The following ROR1 variants were observed in gnomAD, a reference collection of about 807,000 sequenced individuals.
ROR1 encodes inactive tyrosine-protein kinase transmembrane receptor ROR1.
ROR1 carries 19 observed loss-of-function variants against 78.8 expected under a neutral mutation model. That is an observed-to-expected ratio of 0.24 (90% CI 0.17 to 0.35). The LOEUF (loss-of-function observed/expected upper bound fraction) is 0.35, where lower values mean the gene tolerates loss of function less well. Among genes scored for constraint, ROR1 ranks in the 10% least tolerant of loss-of-function variants. ROR1 has a pLI of 1.00. For synonymous variants in ROR1, 386 were observed against 433.6 expected (o/e 0.89, Z 1.36); for missense variants, 917 against 1,177.8 (o/e 0.78, Z 3.24).
At chr1:63,787,590 G>A (rs1318819020) in intron 1 of ROR1, among the ~76,000 whole-genome samples, 2 of 149,286 alleles carry the variant, frequency 1.3e-5, no homozygotes, top group Non-Finnish European at 3.0e-5. Flanking sequence ...GCAATGGTGC[G>A]ATCTCAGCTC....
At chr1:64,069,303 A>G (rs947887555) in intron 4 of ROR1, among the ~76,000 whole-genome samples, 5 of 152,184 alleles carry the variant, frequency 3.3e-5, no homozygotes, top group African/African-American at 9.7e-5. Context: ...AATTTGTGGC[A>G]TATCTTCTTC....
intron 1 of ROR1, among the ~76,000 whole-genome samples, chr1:63,983,833 G>A (rs1225676109): frequency 6.6e-6 from 1 of 152,130 alleles, no homozygotes; most frequent in Admixed American, 6.6e-5. Context: ...TTGAGATAAG[G>A]TAAATTTCTC....
intron 2 of ROR1, among the ~76,000 whole-genome samples, chr1:64,034,063 G>A (rs759117148): frequency 6.6e-6 from 1 of 152,162 alleles, no homozygotes; most frequent in Non-Finnish European, 1.5e-5. Flanking sequence ...ATGCTGGTTG[G>A]CTCATAGTTT....
At chr1:64,099,610 T>C (rs1174950653) in intron 4 of ROR1, among the ~76,000 whole-genome samples, 3 of 151,648 alleles carry the variant, frequency 2.0e-5, no homozygotes, top group Non-Finnish European at 3.0e-5. Context: ...AAAAATAAAT[T>C]AGTTGCCTGA....
At chr1:64,004,294 A>G (rs771658671) in intron 1 of ROR1, among the ~76,000 whole-genome samples, 3 of 152,380 alleles carry the variant, frequency 2.0e-5, no homozygotes, top group South Asian at 2.1e-4. Context: ...ACACAACAAT[A>G]TATAAAATAG....
intron 1 of ROR1, among the ~76,000 whole-genome samples, chr1:63,885,754 A>T (rs917255987): frequency 6.6e-6 from 1 of 152,114 alleles, no homozygotes; most frequent in Non-Finnish European, 1.5e-5. Flanking sequence ...GATCAATGCA[A>T]CCGAGCAGAT....
chr1:63,884,303 GGTAAA>G (rs1645342483), intron 1 of ROR1, among the ~76,000 whole-genome samples: 1 of 152,132 alleles, frequency 6.6e-6, no homozygotes, highest in African/African-American at 2.4e-5. Context: ...GGTGACTCTT[GGTAAA>G]GTCAGACTGT....
intron 1 of ROR1, among the ~76,000 whole-genome samples, chr1:63,996,257 A>G (rs191614202): frequency 1.3e-5 from 2 of 152,302 alleles, no homozygotes; most frequent in African/African-American, 4.8e-5. Context: ...GAACAGATAA[A>G]ATACTGTGGG....
chr1:63,774,321 C>A lies in ROR1; in HGVS notation c.-97C>A. On this transcript the variant is annotated 5_prime_UTR_variant, in exon 1 of 9. Transcript: ENST00000371079. The surrounding 1 kb of genome is among the most constrained non-coding windows in gnomAD (Gnocchi z 5.7). ...GTCCCCGGCGTCCTGCGAGCGCCAG[C>A]GGCCGGGACGAGGCGGCCGGGAGCC... is the stretch of plus-strand genomic sequence containing the variant. 3 of 718,398 alleles carry A rather than the reference C, an allele frequency of 4.2e-6. No homozygotes were observed. The highest frequency in any genetic ancestry group is 2.0e-6 in the Non-Finnish European group (1 of 503,922). The allele number at this position is 718,398 out of a possible 1,614,324, so 44.5% of individuals were successfully genotyped here.
chr1:64,067,588 A>G (rs1646967540), intron 4 of ROR1, among the ~76,000 whole-genome samples: 1 of 150,608 alleles, frequency 6.6e-6, no homozygotes, highest in Admixed American at 6.6e-5. Flanking sequence ...CCAAAACATT[A>G]TTTTTCTTTC....
chr1:63,778,113 G>A (rs1313403186), intron 1 of ROR1, among the ~76,000 whole-genome samples: 1 of 152,168 alleles, frequency 6.6e-6, no homozygotes, highest in Non-Finnish European at 1.5e-5. Flanking sequence ...CTGTTGTATA[G>A]TGGGTGTGTC....
intron 1 of ROR1, among the ~76,000 whole-genome samples, chr1:63,939,664 A>G (rs945076251): frequency 2.0e-5 from 3 of 152,226 alleles, no homozygotes; most frequent in Non-Finnish European, 4.4e-5. Flanking sequence ...AATAGGGAAC[A>G]TTATACCTCT....
chr1:63,796,429 A>T (rs1160931636), intron 1 of ROR1, among the ~76,000 whole-genome samples: 1 of 152,244 alleles, frequency 6.6e-6, no homozygotes, highest in African/African-American at 2.4e-5. Flanking sequence ...CAGAAGCTGC[A>T]TTTTAACATG....
In ROR1 at chr1:63,980,497, T is replaced by G. The variant is rs146769302; in HGVS notation, c.92-28808T>G. ...TCTCCAAACATCCTGCTTTCCGAGT[T>G]TGAGGACTTACTTTAGAAAAGTACT... On this transcript the variant is annotated intron_variant, in intron 1 of 8. Coordinates refer to ENST00000371079, the MANE Select transcript of ROR1 (RefSeq NM_005012.4). Among the ~76,000 whole-genome samples, 5 of 152,356 alleles carry G rather than the reference T, an allele frequency of 3.3e-5. No homozygotes were observed. In the East Asian group the frequency reaches 9.6e-4, roughly 29 times the overall value.
At chr1:63,807,860 G>A (rs932862276) in intron 1 of ROR1, among the ~76,000 whole-genome samples, 4 of 152,094 alleles carry the variant, frequency 2.6e-5, no homozygotes, top group African/African-American at 9.7e-5. Context: ...ACACTTTTCA[G>A]TTCATAGTAA....
At chr1:63,964,492 T>A (rs1292777470) in intron 1 of ROR1, among the ~76,000 whole-genome samples, 2 of 152,212 alleles carry the variant, frequency 1.3e-5, no homozygotes, top group Admixed American at 6.5e-5. Flanking sequence ...TTTATACAAA[T>A]CTTATTGTAT....
At chr1:63,792,779 T>TA (rs11392719) in intron 1 of ROR1, among the ~76,000 whole-genome samples, 78,489 of 152,140 alleles carry the variant, frequency 0.52, 22,752 homozygotes, top group East Asian at 0.77. Flanking sequence ...ACTTGCAACT[T>TA]ACTTAACTTC....
chr1:64,050,638 C>G, intron 3 of ROR1, 48 bp from the exon 4 acceptor site: 1 of 1,575,694 alleles, frequency 6.3e-7, no homozygotes, highest in South Asian at 1.1e-5. Flanking sequence ...ACTCACCCTC[C>G]AATAACCTAG....
intron 1 of ROR1, among the ~76,000 whole-genome samples, chr1:63,876,901 T>A (rs939177428): frequency 1.3e-5 from 2 of 149,818 alleles, no homozygotes; most frequent in Non-Finnish European, 2.9e-5. Flanking sequence ...TGCCATTGAG[T>A]TGCCAGAAAA....
Sources: gnomAD v4.1 joint callset for allele counts (sites outside exome capture counted in the v4.1 genomes callset) on GRCh38, gnomAD v4.1.1 for gene constraint, Gnocchi (gnomAD v3.1) non-coding constraint, MANE v1.5 for transcripts, NCBI Gene and HGNC (gene_info 2026-07-23, HGNC 2026-07-21) for gene names.